THSD4: variants seen among roughly 807,000 people sequenced by gnomAD.
THSD4 encodes the protein thrombospondin type 1 domain containing 4.
In THSD4, 69 loss-of-function variants were observed where a neutral mutation model predicts 119.0. The observed-to-expected ratio is 0.58, with a 90% confidence interval of 0.48 to 0.71. The LOEUF is 0.71. Ranked by LOEUF, THSD4 falls within the 30% of genes least tolerant of loss-of-function variation. The pLI is 0.00. For missense variants in THSD4, 1,393 were observed against 1,391.1 expected, an observed-to-expected ratio of 1.00 and a Z score of -0.02; for synonymous variants, 524 against 540.4, an observed-to-expected ratio of 0.97 and a Z score of 0.42.
At chr15:71,163,248 C>G (rs1739651053) in intron 3 of THSD4, among the ~76,000 whole-genome samples, 2 of 151,494 alleles carry the variant, frequency 1.3e-5, no homozygotes, top group African/African-American at 4.8e-5. Flanking sequence ...TCTAGTAAAA[C>G]AGTCATTTTT....
intron 6 of THSD4, chr15:71,341,411 T>C: frequency 6.2e-7 from 1 of 1,612,576 alleles, no homozygotes; most frequent in South Asian, 1.1e-5. Flanking sequence ...AAGTTCAGCA[T>C]TACTCTCTGC....
intron 8 of THSD4, among the ~76,000 whole-genome samples, chr15:71,713,275 C>G (rs1003322702): frequency 3.9e-5 from 6 of 152,200 alleles, no homozygotes; most frequent in Admixed American, 3.3e-4. Context: ...GGCTGTGTGG[C>G]TACCCTCTGG....
intron 1 of THSD4, among the ~76,000 whole-genome samples, chr15:71,137,694 T>G (rs113037490): frequency 0.012 from 1,816 of 152,218 alleles, 46 homozygotes; most frequent in African/African-American, 0.041. Flanking sequence ...ATGGCAGAGC[T>G]GGAAACTGCC....
At chr15:71,773,200 C>CAAAAAAAAAAAAAAA (rs5813665) in intron 17 of THSD4, among the ~76,000 whole-genome samples, 3 of 54,052 alleles carry the variant, frequency 5.6e-5, no homozygotes, top group East Asian at 4.3e-4. Context: ...GACCATGTCT[C>CAAAAAAAAAAAAAAA]AAAAAAAAAA....
chr15:71,491,038 A>G (rs946823453), intron 7 of THSD4, among the ~76,000 whole-genome samples: 2 of 152,132 alleles, frequency 1.3e-5, no homozygotes, highest in Non-Finnish European at 2.9e-5. Flanking sequence ...TTTTGTGTGC[A>G]TGTATGGTAT....
At chr15:71,501,020 A>T (rs4777400) in intron 7 of THSD4, among the ~76,000 whole-genome samples, 145,590 of 152,300 alleles carry the variant, frequency 0.96, 69,882 homozygotes, top group East Asian at 1. Flanking sequence ...AAGCCATACC[A>T]TTGGGATTTT....
intron 7 of THSD4, among the ~76,000 whole-genome samples, chr15:71,480,068 G>A (rs113537160): frequency 0.018 from 2,772 of 151,970 alleles, 46 homozygotes; most frequent in Non-Finnish European, 0.027. Flanking sequence ...CTAGGGTCTC[G>A]CTCTGTCACC....
intron 7 of THSD4, among the ~76,000 whole-genome samples, chr15:71,418,784 A>T (rs1372660954): frequency 9.2e-6 from 1 of 109,252 alleles, no homozygotes; most frequent in Non-Finnish European, 2.0e-5. Flanking sequence ...AAAATTCAGC[A>T]GTGAGGCTAT....
At chr15:71,538,763 G>C (rs1022382200) in intron 7 of THSD4, among the ~76,000 whole-genome samples, 3 of 152,216 alleles carry the variant, frequency 2.0e-5, no homozygotes, top group African/African-American at 7.2e-5. Context: ...CTCTGCCTTA[G>C]AGCAAATACT....
At chr15:71,593,766 T>C (rs1441162977) in intron 7 of THSD4, among the ~76,000 whole-genome samples, 2 of 151,996 alleles carry the variant, frequency 1.3e-5, no homozygotes, top group Non-Finnish European at 2.9e-5. Context: ...TAGCCAGGCA[T>C]GGTGGCATGT....
intron 7 of THSD4, among the ~76,000 whole-genome samples, chr15:71,608,516 C>T (rs1451717806): frequency 6.6e-6 from 1 of 152,140 alleles, no homozygotes; most frequent in Admixed American, 6.5e-5. Flanking sequence ...TTCCCTAATG[C>T]TGTGCATTTG....
intron 6 of THSD4, among the ~76,000 whole-genome samples, chr15:71,300,137 A>G (rs959477627): frequency 2.6e-5 from 4 of 151,406 alleles, no homozygotes; most frequent in Non-Finnish European, 5.9e-5. Flanking sequence ...CAACAGAGCA[A>G]GACCTTGTCT....
At chr15:71,399,706 G>A (rs2046499737) in intron 6 of THSD4, among the ~76,000 whole-genome samples, 1 of 152,140 alleles carries the variant, frequency 6.6e-6, no homozygotes, top group African/African-American at 2.4e-5. Context: ...CGGACCAGCA[G>A]CACTGGCATC....
chr15:71,227,986 G>T (rs947836509), intron 4 of THSD4, among the ~76,000 whole-genome samples: 1 of 152,090 alleles, frequency 6.6e-6, no homozygotes, highest in Admixed American at 6.5e-5. Context: ...GATGTTTGTC[G>T]ATGGTTTCCT....
intron 6 of THSD4, among the ~76,000 whole-genome samples, chr15:71,373,135 G>T (rs765029155): frequency 6.6e-6 from 1 of 152,232 alleles, no homozygotes; most frequent in Admixed American, 6.5e-5. Context: ...TATCTAAATA[G>T]TTCATAATTT....
intron 3 of THSD4, among the ~76,000 whole-genome samples, chr15:71,156,221 T>A (rs995637150): frequency 6.6e-6 from 1 of 151,992 alleles, no homozygotes; most frequent in Non-Finnish European, 1.5e-5. Context: ...TATCTAAGTG[T>A]GAGCAAGTTG....
chr15:71,469,873 G>T (rs1055453371), intron 7 of THSD4, among the ~76,000 whole-genome samples: 1 of 152,122 alleles, frequency 6.6e-6, no homozygotes, highest in Non-Finnish European at 1.5e-5. Flanking sequence ...AAAGACCATT[G>T]AGCCAATCTA....
intron 7 of THSD4, among the ~76,000 whole-genome samples, chr15:71,567,776 A>AGTGTGT (rs35003821): frequency 1.0e-4 from 15 of 150,532 alleles, no homozygotes; most frequent in African/African-American, 2.7e-4. Context: ...AGAGAGAGAG[A>AGTGTGT]GTGTGTGTGT....
chr15:71,268,419 A>T (rs1364577558), intron 6 of THSD4, among the ~76,000 whole-genome samples: 1 of 152,226 alleles, frequency 6.6e-6, no homozygotes, highest in Non-Finnish European at 1.5e-5. Flanking sequence ...GAGAACAAAG[A>T]CATAACGTAC....
Sources: allele counts gnomAD v4.1 joint callset (sites outside exome capture counted in the v4.1 genomes callset), GRCh38; gene constraint gnomAD v4.1.1; transcripts MANE v1.5; gene names NCBI Gene and HGNC (gene_info 2026-07-23, HGNC 2026-07-21).